The following ITPR2 variants were observed in gnomAD, a reference collection of about 807,000 sequenced individuals.
ITPR2 encodes inositol 1,4,5-trisphosphate receptor type 2, also known as inositol 1,4,5-trisphosphate-gated calcium channel ITPR2.
In ITPR2, 207 loss-of-function variants were observed where a neutral mutation model predicts 317.1. That is an observed-to-expected ratio of 0.65 (90% CI 0.58 to 0.73). The LOEUF is 0.73. Ranked by LOEUF, ITPR2 falls within the 30% of genes least tolerant of loss-of-function variation. The pLI is 0.00. For synonymous variants in ITPR2, 1,156 were observed against 1,149.1 expected (o/e 1.01, Z -0.12); for missense variants, 2,613 against 3,284.0 (o/e 0.80, Z 4.99).
At chr12:26,461,597 A>T (rs1942019633) in intron 45 of ITPR2, among the ~76,000 whole-genome samples, 1 of 147,670 alleles carries the variant, frequency 6.8e-6, no homozygotes, top group Non-Finnish European at 1.5e-5. Flanking sequence ...GGTCTCACAA[A>T]GCTGACAATA....
intron 1 of ITPR2, among the ~76,000 whole-genome samples, chr12:26,824,795 A>T (rs1005464224): frequency 6.6e-5 from 10 of 152,204 alleles, no homozygotes; most frequent in Non-Finnish European, 1.5e-4. Context: ...TTCCATATAT[A>T]TTGTTTTGAA....
At chr12:26,815,864 C>T (rs1488031641) in intron 1 of ITPR2, among the ~76,000 whole-genome samples, 1 of 152,072 alleles carries the variant, frequency 6.6e-6, no homozygotes, top group African/African-American at 2.4e-5. Flanking sequence ...GAGGCTGAGG[C>T]AGGTGGATCA....
chr12:26,628,009 G>A, intron 23 of ITPR2, 24 bp downstream of exon 23: 1 of 1,578,020 alleles, frequency 6.3e-7, no homozygotes, highest in Non-Finnish European at 8.6e-7. Context: ...AATAAAAAGA[G>A]TAAATACTGT....
At chr12:26,644,903 C>T (rs1947077451) in intron 21 of ITPR2, among the ~76,000 whole-genome samples, 1 of 152,142 alleles carries the variant, frequency 6.6e-6, no homozygotes. Flanking sequence ...CCCAGGCCGA[C>T]TAAGACAACT....
Position 26,434,730 on chromosome 12 carries a change from T to C in ITPR2, c.6769+1491A>G, listed in dbSNP as rs145438723. 4.7e-4 allele frequency among the ~76,000 whole-genome samples: 72 copies of C among 152,350 alleles called. No homozygotes were observed. In the East Asian group the frequency reaches 8.3e-3, roughly 18 times the overall value. On this transcript the variant is annotated intron_variant, in intron 48 of 56. Transcript: ENST00000381340. ...CTTTCTGGGCTTCCATCTGTTCATC[T>C]GTCAAATGAGTGTTTGATATTAGAT...
intron 9 of ITPR2, among the ~76,000 whole-genome samples, chr12:26,697,483 G>T (rs147517977): frequency 2.1e-3 from 320 of 152,224 alleles, no homozygotes; most frequent in African/African-American, 7.3e-3. Context: ...TAAAGGCAAC[G>T]AAATAACATA....
At chr12:26,685,236 T>C (rs1298611746) in intron 11 of ITPR2, among the ~76,000 whole-genome samples, 16 of 152,118 alleles carry the variant, frequency 1.1e-4, no homozygotes, top group Admixed American at 1.0e-3. Flanking sequence ...TCGATGCATC[T>C]AGAGAGTGCA....
intron 37 of ITPR2, among the ~76,000 whole-genome samples, chr12:26,502,272 T>C (rs571883702): frequency 5.8e-4 from 88 of 152,206 alleles, no homozygotes; most frequent in Non-Finnish European, 1.1e-3. Context: ...CCCTCACCAA[T>C]AGGACTTAAG....
chr12:26,803,045 A>C (rs2137246327), intron 1 of ITPR2, among the ~76,000 whole-genome samples: 1 of 152,292 alleles, frequency 6.6e-6, no homozygotes, highest in African/African-American at 2.4e-5. Context: ...TCATATCCCC[A>C]TTCTGTTTCT....
intron 45 of ITPR2, 137 bp from the exon 46 acceptor site, chr12:26,443,787 G>C: frequency 1.8e-6 from 1 of 570,414 alleles, no homozygotes; most frequent in Non-Finnish European, 3.1e-6. Context: ...CTTCAGGAAA[G>C]CATGTCTGTA....
chr12:26,832,965 C>T lies in ITPR2; in HGVS notation c.-184G>A, dbSNP rs757783748. On this transcript the variant is annotated 5_prime_UTR_variant, in exon 1 of 57. Coordinates refer to ENST00000381340, the MANE Select transcript of ITPR2 (RefSeq NM_002223.4). ...CAGCCGTGCGTGCGCGCCGGGGAAG[C>T]CAGACCGGGGCCAAGCCGCAGCTGC... 1.8e-6 allele frequency: 1 copy of T among 549,776 alleles called. No individual in the cohort carries two copies. Among genetic ancestry groups the T allele is most frequent in the African/African-American group, 2.0e-5 (1 of 49,180 alleles). The allele number at this position is 549,776 out of a possible 1,614,324, so 34.1% of individuals were successfully genotyped here. A position where few individuals can be genotyped will look rare whatever the true frequency, so the allele number is the denominator to read the frequency against.
At chr12:26,771,696 T>G (rs1465566886) in intron 2 of ITPR2, among the ~76,000 whole-genome samples, 1 of 151,928 alleles carries the variant, frequency 6.6e-6, no homozygotes, top group Non-Finnish European at 1.5e-5. Context: ...TTGTATTTTT[T>G]GTAGAGACAG....
intron 32 of ITPR2, among the ~76,000 whole-genome samples, chr12:26,582,852 T>C (rs1230645741): frequency 6.6e-6 from 1 of 152,200 alleles, no homozygotes; most frequent in Non-Finnish European, 1.5e-5. Context: ...TTTGGGGCTC[T>C]GGTTGTATTC....
At chr12:26,459,249 C>G (rs16930772) in intron 45 of ITPR2, among the ~76,000 whole-genome samples, 1,555 of 152,344 alleles carry the variant, frequency 0.01, 22 homozygotes, top group African/African-American at 0.035. Context: ...GCAAGACAAT[C>G]TGTGCTGTAA....
chr12:26,518,176 T>C (rs1050018140), intron 37 of ITPR2, among the ~76,000 whole-genome samples: 4 of 152,092 alleles, frequency 2.6e-5, no homozygotes, highest in African/African-American at 9.7e-5. Context: ...ACCATGGAAA[T>C]ACTACACAGC....
chr12:26,616,775 T>G (rs1053815332), intron 26 of ITPR2, among the ~76,000 whole-genome samples: 4 of 152,068 alleles, frequency 2.6e-5, no homozygotes, highest in Admixed American at 6.5e-5. Context: ...ATACACAGAT[T>G]TTCTTTTACC....
intron 37 of ITPR2, among the ~76,000 whole-genome samples, chr12:26,501,685 T>C (rs1465677394): frequency 6.6e-6 from 1 of 152,226 alleles, no homozygotes; most frequent in Non-Finnish European, 1.5e-5. Flanking sequence ...TGGAAAATGT[T>C]AGATCCAAAT....
chr12:26,539,535 G>T (rs542960988), intron 37 of ITPR2, among the ~76,000 whole-genome samples: 1 of 152,264 alleles, frequency 6.6e-6, no homozygotes, highest in African/African-American at 2.4e-5. Context: ...CGCCCTTCCT[G>T]GGACAGAAGC....
At chr12:26,706,526 C>T (rs1355375848) in intron 9 of ITPR2, among the ~76,000 whole-genome samples, 1 of 152,158 alleles carries the variant, frequency 6.6e-6, no homozygotes, top group East Asian at 1.9e-4. Context: ...TCTGAACGCC[C>T]TTTCTCCCTC....
Sources: allele counts gnomAD v4.1 joint callset (sites outside exome capture counted in the v4.1 genomes callset), GRCh38; gene constraint gnomAD v4.1.1; transcripts MANE v1.5; gene names NCBI Gene and HGNC (gene_info 2026-07-23, HGNC 2026-07-21).